The following ATP6V0C variants were observed in gnomAD, a reference collection of about 807,000 sequenced individuals.
ATP6V0C encodes the protein ATPase H+ transporting V0 subunit c, also known as V-type proton ATPase 16 kDa proteolipid subunit c.
Under a neutral mutation model 10.6 loss-of-function variants are expected in ATP6V0C, and 2 were observed. The observed-to-expected ratio is 0.19, with a 90% CI of 0.08 to 0.59. ATP6V0C has a LOEUF of 0.59. Among genes scored for constraint, ATP6V0C ranks in the 20% least tolerant of loss-of-function variants. The pLI is 0.90. For synonymous variants in ATP6V0C, 128 were observed against 101.3 expected, an observed-to-expected ratio of 1.26 and a Z score of -1.59; for missense variants, 89 against 225.9, an observed-to-expected ratio of 0.39 and a Z score of 3.88.
In ATP6V0C at chr16:2,513,982, G is replaced by A. The variant is rs1020790796; in HGVS notation, c.-122G>A. 7.1e-5 allele frequency: 60 copies of A among 843,752 alleles called. No homozygotes were observed. Among genetic ancestry groups the A allele is most frequent in the Non-Finnish European group, 9.4e-5 (52 of 554,866 alleles). 52.3% of individuals were successfully genotyped at this position (843,752 alleles called of 1,614,324 possible). On this transcript the variant is annotated 5_prime_UTR_variant, in exon 1 of 3. Coordinates refer to ENST00000330398, the MANE Select transcript of ATP6V0C (RefSeq NM_001694.4). The stretch of plus-strand genomic sequence containing the variant: ...GCGGTGCTGGTATTTAGAGCGCAGC[G>A]GCTGACGGGCCGGATCGCCTTCGCC...
chr16:2,519,086 G>T, intron 1 of ATP6V0C, 132 bp from the exon 2 acceptor site: 1 of 1,088,594 alleles, frequency 9.2e-7, no homozygotes, highest in South Asian at 1.7e-5. Context: ...TGGGCTGGAT[G>T]CCTTCTTCGG....
intron 1 of ATP6V0C, among the ~76,000 whole-genome samples, chr16:2,518,366 A>C (rs2065887176): frequency 6.6e-6 from 1 of 152,254 alleles, no homozygotes; most frequent in South Asian, 2.1e-4. Context: ...CCTGGAGCCC[A>C]GCCCACCAGC....
intron 1 of ATP6V0C, among the ~76,000 whole-genome samples, chr16:2,514,902 G>C (rs536509741): frequency 1.3e-5 from 2 of 152,318 alleles, no homozygotes; most frequent in African/African-American, 4.8e-5. Context: ...CGGCGCTGGC[G>C]GGGCTGTGTA....
chr16:2,519,688 C>T lies in ATP6V0C; in HGVS notation c.411C>T (p.Phe137=), dbSNP rs1177627828. ...TGGGCATGATCCTGATTCTCATCTTCGCCGAGGTGCTCGGCCTCTACGGTC... is the reference window on the plus strand; with the variant it reads ...TGGGCATGATCCTGATTCTCATCTTTGCCGAGGTGCTCGGCCTCTACGGTC... ...LFVGMILILI[F]AEVLGLYGLI... Residue 137 remains phenylalanine (F), a synonymous_variant, in exon 3 of 3, where the codon TTC becomes TTT. Coordinates refer to ENST00000330398, the MANE Select transcript of ATP6V0C (RefSeq NM_001694.4). 5 of 1,611,954 alleles carry T rather than the reference C, an allele frequency of 3.1e-6. No homozygotes were observed. The highest frequency in any genetic ancestry group is 1.7e-5 in the Admixed American group (1 of 59,934).
In ATP6V0C at chr16:2,520,039, T is replaced by A; in HGVS notation, c.*294T>A. 4.6e-6 allele frequency: 3 copies of A among 653,276 alleles called. No homozygotes were observed. Among genetic ancestry groups the A allele is most frequent in the Non-Finnish European group, 8.4e-6 (3 of 355,086 alleles). The allele number at this position is 653,276 out of a possible 1,614,324, so 40.5% of individuals were successfully genotyped here. ...CATTTCTCTTTACTGGATGTTTATT[T>A]ATAAAGATCTGGCCTGTTCCTGCGT... On this transcript the variant is annotated 3_prime_UTR_variant, in exon 3 of 3. Coordinates refer to ENST00000330398, the MANE Select transcript of ATP6V0C (RefSeq NM_001694.4).
intron 1 of ATP6V0C, among the ~76,000 whole-genome samples, chr16:2,516,291 T>C (rs2065876952): frequency 2.0e-5 from 3 of 152,022 alleles, no homozygotes; most frequent in Admixed American, 2.0e-4. Flanking sequence ...TTTTTTTTTT[T>C]AGAGACAGGG....
chr16:2,514,537 A>AG (rs1160478823), intron 1 of ATP6V0C: 1 of 117,512 alleles, frequency 8.5e-6, no homozygotes, highest in Admixed American at 8.2e-5. Flanking sequence ...GGGCGGCGCG[A>AG]GGGGGGCCGA....
Position 2,519,873 on chromosome 16 carries a change from T to C in ATP6V0C, c.*128T>C. The C allele has an allele frequency of 8.0e-7, 1 of 1,251,182 alleles. No individual in the cohort carries two copies. The highest frequency in any genetic ancestry group is 1.1e-6 in the Non-Finnish European group (1 of 874,956). The allele number at this position is 1,251,182 out of a possible 1,614,324, so 77.5% of individuals were successfully genotyped here. ...TAGTTGGTCTTGTACATGCGCAGTG[T>C]CCTAGTGCCCATCGTCTGTTTCCCC... On this transcript the variant is annotated 3_prime_UTR_variant, in exon 3 of 3. Coordinates refer to ENST00000330398, the MANE Select transcript of ATP6V0C (RefSeq NM_001694.4).
At chr16:2,519,105 C>T in intron 1 of ATP6V0C, 113 bp from the exon 2 acceptor site, 6 of 1,258,972 alleles carry the variant, frequency 4.8e-6, no homozygotes, top group Non-Finnish European at 6.4e-6. Flanking sequence ...GGCTCCCCCT[C>T]TGCATGTGAT....
At position 2,519,566 on chromosome 16, in the gene ATP6V0C, C is replaced by G; in HGVS notation, c.289C>G (p.Leu97Val). Residue 97 changes from leucine to valine, a missense_variant, in exon 3 of 3, where the codon CTG becomes GTG. Leu to Val is a conservative substitution (Grantham distance 32). Transcript: ENST00000330398. ...YKSFLQLGAG[L>V]SVGLSGLAAG... ...GAGCTTCCTCCAGCTGGGCGCCGGC[C>G]TGAGCGTGGGCCTGAGCGGCCTGGC... The G allele has an allele frequency of 1.9e-6, 3 of 1,563,276 alleles. No individual in the cohort carries two copies. The highest frequency in any genetic ancestry group is 1.7e-6 in the Non-Finnish European group (2 of 1,150,946).
rs1246188645 is a variant in ATP6V0C, at chr16:2,519,411, G to A, written c.263+10G>A. 6.2e-7 allele frequency: 1 copy of A among 1,610,000 alleles called. No individual in the cohort carries two copies. Among genetic ancestry groups the A allele is most frequent in the South Asian group, 1.1e-5 (1 of 90,672 alleles). On this transcript the variant is annotated intron_variant, in intron 2 of 2. Transcript: ENST00000330398. Reference sequence around the variant, plus strand: ...ACATCAGCCTCTACAAGTGAGCACTGGGGTCAGGCCCCTGCCCAGGGCTGG... The same window carrying A: ...ACATCAGCCTCTACAAGTGAGCACTAGGGTCAGGCCCCTGCCCAGGGCTGG...
At chr16:2,518,842 G>A (rs769248809) in intron 1 of ATP6V0C, among the ~76,000 whole-genome samples, 1 of 152,240 alleles carries the variant, frequency 6.6e-6, no homozygotes, top group African/African-American at 2.4e-5. Flanking sequence ...AGCCCCAAGG[G>A]TCGACTGACC....
intron 1 of ATP6V0C, among the ~76,000 whole-genome samples, chr16:2,515,275 G>T (rs1023412429): frequency 1.3e-5 from 2 of 152,206 alleles, no homozygotes; most frequent in African/African-American, 4.8e-5. Flanking sequence ...AGCCTCCGTG[G>T]ACTGGCCTGG....
At chr16:2,518,725 A>G (rs745571439) in intron 1 of ATP6V0C, among the ~76,000 whole-genome samples, 1 of 152,154 alleles carries the variant, frequency 6.6e-6, no homozygotes, top group East Asian at 1.9e-4. Flanking sequence ...CTGGGTGACA[A>G]GAGTGGCCAG....
chr16:2,515,007 C>G (rs996374901), intron 1 of ATP6V0C, among the ~76,000 whole-genome samples: 2 of 152,112 alleles, frequency 1.3e-5, no homozygotes, highest in Admixed American at 1.3e-4. Flanking sequence ...CTGAGGCTTC[C>G]AGTTGTGGTC....
Position 2,513,979 on chromosome 16 carries a change from A to T in ATP6V0C, c.-125A>T. 3.7e-6 allele frequency: 3 copies of T among 821,386 alleles called. No homozygotes were observed. Among genetic ancestry groups the T allele is most frequent in the East Asian group, 3.1e-5 (1 of 32,334 alleles). 50.9% of individuals were successfully genotyped at this position (821,386 alleles called of 1,614,324 possible). A position where few individuals can be genotyped will look rare whatever the true frequency, so the allele number is the denominator to read the frequency against. On this transcript the variant is annotated 5_prime_UTR_variant, in exon 1 of 3. Transcript: ENST00000330398. ...TCTGCGGTGCTGGTATTTAGAGCGCAGCGGCTGACGGGCCGGATCGCCTTC... is the reference window on the plus strand; with the variant it reads ...TCTGCGGTGCTGGTATTTAGAGCGCTGCGGCTGACGGGCCGGATCGCCTTC...
chr16:2,518,924 C>T (rs1282331246), intron 1 of ATP6V0C: 13 of 401,680 alleles, frequency 3.2e-5, no homozygotes, highest in Admixed American at 2.5e-4. Context: ...ACTGCAGAGC[C>T]AGGAGCCCCA....
At chr16:2,516,279 A>AT (rs5815126) in intron 1 of ATP6V0C, among the ~76,000 whole-genome samples, 9,206 of 145,832 alleles carry the variant, frequency 0.063, 827 homozygotes, top group African/African-American at 0.2. Context: ...TGCCCAGCTA[A>AT]TTTTTTTTTT....
chr16:2,519,496 C>A (rs774705512), intron 2 of ATP6V0C, 45 bp from the exon 3 acceptor site: 5 of 1,543,348 alleles, frequency 3.2e-6, no homozygotes, highest in Admixed American at 3.8e-5. Context: ...TTGTCTCCCC[C>A]TGGTTGGCAG....
Sources: gnomAD v4.1 joint callset for allele counts (sites outside exome capture counted in the v4.1 genomes callset) on GRCh38, gnomAD v4.1.1 for gene constraint, MANE v1.5 for transcripts, NCBI Gene and HGNC (gene_info 2026-07-23, HGNC 2026-07-21) for gene names.